The following DLG2 variants were observed in gnomAD, a reference collection of about 807,000 sequenced individuals.
DLG2 encodes disks large homolog 2.
A neutral mutation model predicts 132.5 loss-of-function variants in DLG2; 45 were observed. That is an observed-to-expected ratio of 0.34 (90% CI 0.27 to 0.44). DLG2 has a LOEUF of 0.44. Ranked by LOEUF, DLG2 falls within the 20% of genes least tolerant of loss-of-function variation. The pLI, the probability that DLG2 is intolerant of heterozygous loss-of-function variation, is 1.00. For synonymous variants in DLG2, 424 were observed against 419.6 expected, an observed-to-expected ratio of 1.01 and a Z score of -0.13; for missense variants, 1,045 against 1,196.9, an observed-to-expected ratio of 0.87 and a Z score of 1.87.
At position 85,526,541 on chromosome 11, in the gene DLG2, G is replaced by A. The variant is rs189048745; in HGVS notation, c.40+72116C>T. ...AAGAAATGTTAAATAAAGTCATTCA[G>A]AAAGAAGAAAAATGACACCATATGT... On this transcript the variant is annotated intron_variant, in intron 3 of 27. Transcript: ENST00000376104. Among the ~76,000 whole-genome samples, 260 of 152,256 alleles carry A rather than the reference G, an allele frequency of 1.7e-3. 1 individual carries two copies. Among genetic ancestry groups the A allele is most frequent in the African/African-American group, 6.1e-3 (252 of 41,558 alleles).
intron 7 of DLG2, among the ~76,000 whole-genome samples, chr11:84,499,983 A>C (rs1037376731): frequency 2.0e-5 from 3 of 152,170 alleles, no homozygotes; most frequent in African/African-American, 7.2e-5. Context: ...ATAATTACTG[A>C]TGATCTACAT....
intron 8 of DLG2, among the ~76,000 whole-genome samples, chr11:84,184,205 G>A (rs2096222114): frequency 6.6e-6 from 1 of 152,136 alleles, no homozygotes; most frequent in African/African-American, 2.4e-5. Context: ...GTGTAAAAGT[G>A]CTCCTATTTC....
At chr11:83,697,564 C>T (rs2082149152) in intron 18 of DLG2, among the ~76,000 whole-genome samples, 1 of 152,138 alleles carries the variant, frequency 6.6e-6, no homozygotes, top group African/African-American at 2.4e-5. Context: ...AAATCAACCT[C>T]CAACCCCTTA....
chr11:84,859,413 T>TAC (rs2083291209), intron 6 of DLG2, among the ~76,000 whole-genome samples: 2 of 144,628 alleles, frequency 1.4e-5, no homozygotes, highest in African/African-American at 5.2e-5. Context: ...TATACATATA[T>TAC]ATGTATACAT....
At chr11:84,183,122 C>A (rs1439761047) in intron 8 of DLG2, among the ~76,000 whole-genome samples, 1 of 152,082 alleles carries the variant, frequency 6.6e-6, no homozygotes, top group Non-Finnish European at 1.5e-5. Context: ...CAGAAAGAAC[C>A]AGGCCCAGAT....
At chr11:84,814,538 C>G (rs1477526462) in intron 6 of DLG2, among the ~76,000 whole-genome samples, 1 of 151,982 alleles carries the variant, frequency 6.6e-6, no homozygotes, top group African/African-American at 2.4e-5. Flanking sequence ...TGCCTTCCAG[C>G]CCCCACTGTT....
chr11:85,464,578 A>AT lies in DLG2; in HGVS notation c.40+134078dup, dbSNP rs546791347. Among the ~76,000 whole-genome samples, 72 of 152,286 alleles carry AT rather than the reference A, an allele frequency of 4.7e-4. 1 individual carries two copies. Among genetic ancestry groups the AT allele is most frequent in the African/African-American group, 1.6e-3 (66 of 41,560 alleles). On this transcript the variant is annotated intron_variant, in intron 3 of 27. Transcript: ENST00000376104. The stretch of plus-strand genomic sequence containing the variant: ...TTTCAAAAAAACAATCTTAGGTACT[A>AT]TAACAGCAAAGTTATCTATAGGAAC...
At chr11:83,735,809 A>G (rs1169669643) in intron 18 of DLG2, among the ~76,000 whole-genome samples, 1 of 152,206 alleles carries the variant, frequency 6.6e-6, no homozygotes, top group East Asian at 1.9e-4. Context: ...CTACAGTCTG[A>G]AAAGTTTGAG....
intron 6 of DLG2, among the ~76,000 whole-genome samples, chr11:84,658,994 G>A (rs748828020): frequency 7.2e-5 from 11 of 152,122 alleles, no homozygotes; most frequent in Non-Finnish European, 1.3e-4. Context: ...ATCTGTTGGC[G>A]CCTTGATCTT....
chr11:85,077,474 T>G (rs952095204), intron 6 of DLG2, among the ~76,000 whole-genome samples: 1 of 152,060 alleles, frequency 6.6e-6, no homozygotes, highest in Non-Finnish European at 1.5e-5. Context: ...TCTTAAATTT[T>G]TTTATGTTGT....
intron 3 of DLG2, among the ~76,000 whole-genome samples, chr11:85,391,939 G>T (rs1313368652): frequency 1.3e-5 from 2 of 152,046 alleles, no homozygotes; most frequent in Non-Finnish European, 2.9e-5. Flanking sequence ...CCTAGCCAGA[G>T]CAATGAGACA....
chr11:83,867,104 T>C (rs1352250149), intron 16 of DLG2, among the ~76,000 whole-genome samples: 1 of 152,158 alleles, frequency 6.6e-6, no homozygotes, highest in African/African-American at 2.4e-5. Context: ...ACCTCAGAAA[T>C]CATATTGAGC....
chr11:83,913,909 A>T (rs114502407), intron 15 of DLG2, among the ~76,000 whole-genome samples: 2 of 152,316 alleles, frequency 1.3e-5, no homozygotes, highest in African/African-American at 4.8e-5. Context: ...CAGTGTGGAT[A>T]ATGAATTGCA....
chr11:83,597,047 A>G lies in DLG2; in HGVS notation c.1940+36164T>C, dbSNP rs542391396. Among the ~76,000 whole-genome samples, 9 of 152,274 alleles carry G rather than the reference A, an allele frequency of 5.9e-5. 2 individuals carry two copies. The highest frequency in any genetic ancestry group is 2.2e-4 in the African/African-American group (9 of 41,556). On this transcript the variant is annotated intron_variant, in intron 19 of 27. Coordinates refer to ENST00000376104, the MANE Select transcript of DLG2 (RefSeq NM_001142699.3). ...AGCAATTCTGTGATGATCAAAGGAG[A>G]TCTGAGTTTAGGGAGTCAGAATAAC...
At chr11:85,528,344 T>C (rs2074946774) in intron 3 of DLG2, among the ~76,000 whole-genome samples, 1 of 152,210 alleles carries the variant, frequency 6.6e-6, no homozygotes, top group African/African-American at 2.4e-5. Flanking sequence ...CTTTAACCCA[T>C]CTTGAGTTAA....
intron 4 of DLG2, among the ~76,000 whole-genome samples, chr11:85,282,672 G>T (rs2078305181): frequency 6.6e-6 from 1 of 151,854 alleles, no homozygotes; most frequent in Admixed American, 6.6e-5. Flanking sequence ...AGAATAAAAA[G>T]TATATATTTA....
intron 3 of DLG2, among the ~76,000 whole-genome samples, chr11:85,383,631 G>A (rs1049208313): frequency 8.5e-5 from 13 of 152,126 alleles, no homozygotes; most frequent in Non-Finnish European, 5.9e-5. Flanking sequence ...GTTTTCTAAC[G>A]TCAACTATCC....
At chr11:84,495,113 T>C (rs1443986006) in intron 7 of DLG2, among the ~76,000 whole-genome samples, 1 of 152,130 alleles carries the variant, frequency 6.6e-6, no homozygotes, top group Admixed American at 6.6e-5. Context: ...CTAACATTTT[T>C]CATTTGAATT....
chr11:84,090,711 A>C (rs902971510), intron 10 of DLG2, among the ~76,000 whole-genome samples: 4 of 152,250 alleles, frequency 2.6e-5, no homozygotes, highest in Admixed American at 2.6e-4. Context: ...ATTTGGTAAC[A>C]TGCATCAAAA....
Sources: allele counts gnomAD v4.1 joint callset (sites outside exome capture counted in the v4.1 genomes callset), GRCh38; gene constraint gnomAD v4.1.1; transcripts MANE v1.5; gene names NCBI Gene and HGNC (gene_info 2026-07-23, HGNC 2026-07-21).